The following AMPH variants were observed in gnomAD, a reference collection of about 807,000 sequenced individuals.
AMPH encodes amphiphysin (Stiff-Mann syndrome with breast cancer 128kD autoantigen).
Under a neutral mutation model 99.1 loss-of-function variants are expected in AMPH, and 49 were observed. The ratio of observed to expected loss-of-function variants is 0.49; its 90% CI spans 0.39 to 0.63. AMPH has a LOEUF of 0.63. Ranked by LOEUF, AMPH falls within the 20% of genes least tolerant of loss-of-function variation. AMPH has a pLI of 0.00. For missense variants in AMPH, 759 were observed against 863.4 expected (o/e 0.88, Z 1.52); for synonymous variants, 314 against 317.3 (o/e 0.99, Z 0.11).
chr7:38,488,328 G>T (rs1788589990), intron 5 of AMPH, among the ~76,000 whole-genome samples: 1 of 152,112 alleles, frequency 6.6e-6, no homozygotes, highest in African/African-American at 2.4e-5. Context: ...TATACACCAT[G>T]GAATACTATG....
intron 1 of AMPH, among the ~76,000 whole-genome samples, chr7:38,565,399 C>G (rs949153184): frequency 3.9e-5 from 6 of 152,106 alleles, no homozygotes; most frequent in African/African-American, 1.4e-4. Flanking sequence ...AGTCTGAGAT[C>G]GAGGTGCCAT....
chr7:38,429,853 A>C lies in AMPH; in HGVS notation c.1171T>G (p.Leu391Val), dbSNP rs773940510. Reference protein sequence around the residue: ...PWDLWTTSTDLVQPASGGSFN... With the variant: ...PWDLWTTSTDVVQPASGGSFN... ...GGATATTTACCTACCGGCTGTACCAAATCAGTGCTTGTCTGTATGGGTAAA... is the reference window on the plus strand; with the variant it reads ...GGATATTTACCTACCGGCTGTACCACATCAGTGCTTGTCTGTATGGGTAAA... Residue 391 changes from leucine to valine, a missense_variant, in exon 14 of 21, where the codon TTG becomes GTG. Coordinates refer to ENST00000356264, the MANE Select transcript of AMPH (RefSeq NM_001635.4). 1 of 1,604,816 alleles carries C rather than the reference A, an allele frequency of 6.2e-7. No individual in the cohort carries two copies. The highest frequency in any genetic ancestry group is 1.8e-5 in the Admixed American group (1 of 56,888).
Position 38,588,706 on chromosome 7 carries a change from GA to G in AMPH, c.69+42576del, listed in dbSNP as rs1037691277. On this transcript the variant is annotated intron_variant, in intron 1 of 20. Coordinates refer to ENST00000356264, the MANE Select transcript of AMPH (RefSeq NM_001635.4). ...GATTAAGAGTTATGTGTATTTATTA[GA>G]AAAAAAAAGATAATCGGGGGGAAAA... Among the ~76,000 whole-genome samples the G allele has an allele frequency of 8.0e-5, 12 of 149,324 alleles. No individual in the cohort carries two copies. In the South Asian group the frequency reaches 1.1e-3, roughly 13 times the overall value.
intron 16 of AMPH, among the ~76,000 whole-genome samples, chr7:38,420,322 C>T (rs3823596): frequency 0.059 from 9,034 of 152,186 alleles, 376 homozygotes; most frequent in East Asian, 0.2. Flanking sequence ...TGTGAGCAAC[C>T]GCTTGTGGAG....
Position 38,503,504 on chromosome 7 carries a change from G to GGGC in AMPH, c.205+145_205+146insGCC, listed in dbSNP as rs1554348779. ...CAATGGGAATTTGGGGCGGGGGGGT[G>GGGC]GGTGGTGGAATGGAACACCTGTGTT... On this transcript the variant is annotated intron_variant, in intron 3 of 20. Coordinates refer to ENST00000356264, the MANE Select transcript of AMPH (RefSeq NM_001635.4). The GGGC allele has an allele frequency of 2.1e-3, 1,092 of 512,620 alleles. 14 individuals are homozygous for GGGC. Among genetic ancestry groups the GGGC allele is most frequent in the African/African-American group, 0.017 (767 of 46,480 alleles). 31.8% of individuals were successfully genotyped at this position (512,620 alleles called of 1,614,324 possible). A position where few individuals can be genotyped will look rare whatever the true frequency, so the allele number is the denominator to read the frequency against.
chr7:38,568,529 C>T (rs1376677377), intron 1 of AMPH, among the ~76,000 whole-genome samples: 6 of 152,328 alleles, frequency 3.9e-5, no homozygotes, highest in Middle Eastern at 3.4e-3. Context: ...GCTAATATCT[C>T]CCCAAATTCT....
chr7:38,516,619 C>T (rs12533671), intron 2 of AMPH, among the ~76,000 whole-genome samples: 10 of 152,196 alleles, frequency 6.6e-5, no homozygotes, highest in Admixed American at 6.5e-4. Flanking sequence ...GATTGGACTC[C>T]TTACACAGAT....
At chr7:38,566,487 G>A (rs1370270048) in intron 1 of AMPH, among the ~76,000 whole-genome samples, 1 of 152,060 alleles carries the variant, frequency 6.6e-6, no homozygotes, top group Non-Finnish European at 1.5e-5. Flanking sequence ...ATAGGCATAG[G>A]CAAAGAGTTC....
At chr7:38,407,209 A>G (rs1020021848) in intron 17 of AMPH, among the ~76,000 whole-genome samples, 2 of 146,314 alleles carry the variant, frequency 1.4e-5, no homozygotes, top group Non-Finnish European at 3.0e-5. Flanking sequence ...CCCTCTCTCT[A>G]TATCTATCTA....
intron 11 of AMPH, among the ~76,000 whole-genome samples, chr7:38,447,440 T>C (rs1385399151): frequency 6.6e-6 from 1 of 152,236 alleles, no homozygotes; most frequent in East Asian, 1.9e-4. Flanking sequence ...CTCTGTAATT[T>C]ACTATTTTTT....
intron 10 of AMPH, 128 bp from the exon 11 acceptor site, chr7:38,461,539 C>A: frequency 9.1e-7 from 1 of 1,096,474 alleles, no homozygotes; most frequent in Non-Finnish European, 1.3e-6. Context: ...CATATAGCAG[C>A]AAGCCTATCT....
chr7:38,589,453 T>C (rs961470287), intron 1 of AMPH, among the ~76,000 whole-genome samples: 2 of 152,204 alleles, frequency 1.3e-5, no homozygotes, highest in African/African-American at 4.8e-5. Context: ...GCCTGTCTCA[T>C]ACACTAGTTG....
intron 14 of AMPH, chr7:38,427,758 T>C (rs893195936): frequency 5.3e-6 from 2 of 377,408 alleles, no homozygotes; most frequent in Non-Finnish European, 1.0e-5. Flanking sequence ...TGATGGATAA[T>C]GAAGTAGGTG....
At chr7:38,446,887 G>A (rs1484651107) in intron 11 of AMPH, among the ~76,000 whole-genome samples, 1 of 152,034 alleles carries the variant, frequency 6.6e-6, no homozygotes, top group Non-Finnish European at 1.5e-5. Context: ...GTGCTCTGCT[G>A]CTATTTAAAA....
At chr7:38,397,361 T>C (rs1283084094) in intron 17 of AMPH, among the ~76,000 whole-genome samples, 1 of 152,220 alleles carries the variant, frequency 6.6e-6, no homozygotes, top group Non-Finnish European at 1.5e-5. Flanking sequence ...TGTTTATTAT[T>C]AACCTGTAAC....
intron 1 of AMPH, among the ~76,000 whole-genome samples, chr7:38,553,193 T>C (rs1235050598): frequency 6.6e-6 from 1 of 152,252 alleles, no homozygotes; most frequent in South Asian, 2.1e-4. Flanking sequence ...CTTCCGGCCT[T>C]GCAGTGGTTA....
chr7:38,471,923 G>A (rs1787902227), intron 7 of AMPH, among the ~76,000 whole-genome samples: 1 of 152,012 alleles, frequency 6.6e-6, no homozygotes, highest in African/African-American at 2.4e-5. Context: ...CCATCAAGAA[G>A]ATATACAAGT....
chr7:38,603,791 T>C (rs1727130323), intron 1 of AMPH, among the ~76,000 whole-genome samples: 1 of 152,178 alleles, frequency 6.6e-6, no homozygotes, highest in African/African-American at 2.4e-5. Flanking sequence ...GACACTTCCC[T>C]GAGGCCTCAA....
chr7:38,468,057 G>A (rs1787733460), intron 7 of AMPH, among the ~76,000 whole-genome samples: 1 of 152,020 alleles, frequency 6.6e-6, no homozygotes, highest in Non-Finnish European at 1.5e-5. Flanking sequence ...ATTTCCTTAG[G>A]ACAGATTTCT....
Sources: gnomAD v4.1 joint callset for allele counts (sites outside exome capture counted in the v4.1 genomes callset) on GRCh38, gnomAD v4.1.1 for gene constraint, MANE v1.5 for transcripts, NCBI Gene and HGNC (gene_info 2026-07-23, HGNC 2026-07-21) for gene names.